FER1L6: variants seen among roughly 807,000 people sequenced by gnomAD.
The protein encoded by FER1L6 is fer-1 like family member 6.
Under a neutral mutation model 219.2 loss-of-function variants are expected in FER1L6, and 177 were observed. The observed-to-expected ratio is 0.81, with a 90% confidence interval of 0.71 to 0.91. The LOEUF (loss-of-function observed/expected upper bound fraction) is 0.91. FER1L6 is among the 40% of genes least tolerant of loss of function. The pLI, the probability that FER1L6 is intolerant of heterozygous loss-of-function variation, is 0.00. For missense variants in FER1L6, 2,153 were observed against 2,259.9 expected (o/e 0.95, Z 0.96); for synonymous variants, 768 against 824.3 (o/e 0.93, Z 1.17).
chr8:123,991,339 A>G (rs2130417316), intron 12 of FER1L6, among the ~76,000 whole-genome samples: 1 of 152,348 alleles, frequency 6.6e-6, no homozygotes, highest in Admixed American at 6.5e-5. Flanking sequence ...CTAATCCATG[A>G]GCATGAGATG....
chr8:124,036,378 T>C (rs1819212296), intron 19 of FER1L6: 1 of 152,214 alleles, frequency 6.6e-6, no homozygotes, highest in African/African-American at 2.4e-5. Context: ...AGCATTGTCT[T>C]TGGAAAATGC....
intron 1 of FER1L6, among the ~76,000 whole-genome samples, chr8:123,934,180 G>A (rs548986112): frequency 1.8e-4 from 27 of 152,232 alleles, no homozygotes; most frequent in East Asian, 1.5e-3. Flanking sequence ...GTGGCGCCAC[G>A]TCGATCTCAG....
At chr8:123,934,740 C>A (rs1337311876) in intron 1 of FER1L6, among the ~76,000 whole-genome samples, 2 of 151,948 alleles carry the variant, frequency 1.3e-5, no homozygotes, top group South Asian at 4.2e-4. Context: ...AATCTCATCT[C>A]GAATTATAAT....
intron 9 of FER1L6, among the ~76,000 whole-genome samples, chr8:123,976,679 C>A (rs959292156): frequency 5.9e-5 from 9 of 152,152 alleles, no homozygotes; most frequent in African/African-American, 1.9e-4. Context: ...GCTGTTTATT[C>A]AGTCCCCACA....
intron 10 of FER1L6, among the ~76,000 whole-genome samples, chr8:123,978,128 C>T (rs1816175231): frequency 1.3e-5 from 2 of 152,306 alleles, no homozygotes; most frequent in South Asian, 4.1e-4. Context: ...AGGTTTGCTC[C>T]TGGTCCCGGG....
chr8:123,993,181 G>A (rs1816943916), intron 12 of FER1L6, among the ~76,000 whole-genome samples: 1 of 152,220 alleles, frequency 6.6e-6, no homozygotes, highest in African/African-American at 2.4e-5. Context: ...GGTGGCTCAC[G>A]CCTGTAATCC....
At chr8:123,938,610 GA>G (rs1814098861) in intron 1 of FER1L6, among the ~76,000 whole-genome samples, 1 of 144,560 alleles carries the variant, frequency 6.9e-6, no homozygotes, top group Admixed American at 7.2e-5. Flanking sequence ...GCAGTGGTGC[GA>G]TCTTGGCTCA....
intron 10 of FER1L6, 75 bp from the exon 11 acceptor site, chr8:123,980,390 C>A: frequency 1.7e-6 from 2 of 1,198,258 alleles, no homozygotes; most frequent in South Asian, 1.5e-5. Context: ...GGATATTCTA[C>A]ATTTTGAAAT....
intron 1 of FER1L6, among the ~76,000 whole-genome samples, chr8:123,904,886 A>C (rs185179083): frequency 6.6e-6 from 1 of 152,336 alleles, no homozygotes; most frequent in Non-Finnish European, 1.5e-5. Flanking sequence ...CAGGATATTT[A>C]TGAACAAGTG....
intron 11 of FER1L6, chr8:123,984,381 C>T (rs545055288): frequency 2.6e-5 from 4 of 152,188 alleles, no homozygotes; most frequent in African/African-American, 4.8e-5. Flanking sequence ...GGCCTACATT[C>T]CCTCCAGGTC....
At chr8:123,968,101 C>A (rs551652857) in intron 5 of FER1L6, among the ~76,000 whole-genome samples, 1 of 152,236 alleles carries the variant, frequency 6.6e-6, no homozygotes, top group African/African-American at 2.4e-5. Flanking sequence ...TCTGCCTCTG[C>A]GCCTCTGACT....
chr8:123,858,766 C>T (rs1165437827), intron 1 of FER1L6, among the ~76,000 whole-genome samples: 1 of 152,102 alleles, frequency 6.6e-6, no homozygotes, highest in Non-Finnish European at 1.5e-5. Flanking sequence ...GTCTCTGGCA[C>T]CAAAGCTTTC....
Position 123,986,619 on chromosome 8 carries a change from C to CT in FER1L6, c.1519+444dup, listed in dbSNP as rs1816597734. Among the ~76,000 whole-genome samples, 9 of 152,146 alleles carry CT rather than the reference C, an allele frequency of 5.9e-5. No individual in the cohort carries two copies. In the South Asian group the frequency reaches 1.9e-3, roughly 32 times the overall value. ...ATACTAGATCTTATTCTATTGAACTCTATTTTTGTACCCATTAACCATCTG... is the reference window on the plus strand; with the variant it reads ...ATACTAGATCTTATTCTATTGAACTCTTATTTTTGTACCCATTAACCATCTG... On this transcript the variant is annotated intron_variant, in intron 12 of 40. Coordinates refer to ENST00000522917, the MANE Select transcript of FER1L6 (RefSeq NM_001039112.2).
chr8:124,013,301 T>A, intron 14 of FER1L6, 130 bp from the exon 15 acceptor site: 1 of 518,274 alleles, frequency 1.9e-6, no homozygotes, highest in Non-Finnish European at 3.4e-6. Flanking sequence ...ACAAGAAAAC[T>A]AGATAAATCC....
intron 1 of FER1L6, among the ~76,000 whole-genome samples, chr8:123,951,025 T>C (rs1185265358): frequency 1.3e-5 from 2 of 152,260 alleles, no homozygotes; most frequent in Non-Finnish European, 2.9e-5. Flanking sequence ...GTGCAGCCTA[T>C]GCAAATGTAT....
chr8:124,001,323 A>G (rs1486495773), intron 12 of FER1L6, among the ~76,000 whole-genome samples: 1 of 152,148 alleles, frequency 6.6e-6, no homozygotes, highest in Non-Finnish European at 1.5e-5. Flanking sequence ...ATCTCTGTCC[A>G]TCTCAGACTA....
chr8:123,937,119 T>G (rs59882065), intron 1 of FER1L6, among the ~76,000 whole-genome samples: 13,265 of 152,134 alleles, frequency 0.087, 811 homozygotes, highest in African/African-American at 0.17. Flanking sequence ...TTGGCCAGGC[T>G]GGTCTCGAAC....
rs144922629 is a variant in FER1L6, at chr8:124,010,662, A to G, written c.1769A>G (p.Gln590Arg). 5.1e-5 allele frequency: 83 copies of G among 1,614,090 alleles called. No homozygotes were observed. In the East Asian group the frequency reaches 1.8e-3, roughly 34 times the overall value. The change falls in exon 14 of 41, where the codon CAG (glutamine) becomes CGG (arginine). Residue 590 changes from glutamine (Q) to arginine (R), a missense_variant. Gln to Arg is a conservative substitution (Grantham distance 43). Transcript: ENST00000522917. ...CVYFISSWGD[Q>R]TFRLHWSNML... ...TATTTCATCAGCTCTTGGGGAGACC[A>G]GACCTTCAGGCTGCACTGGTCCAAC...
chr8:124,107,149 C>T (rs1822813517), intron 39 of FER1L6, among the ~76,000 whole-genome samples: 1 of 151,882 alleles, frequency 6.6e-6, no homozygotes, highest in African/African-American at 2.4e-5. Context: ...GGGGTTTCAC[C>T]ATGTTAGCCA....
Sources: gnomAD v4.1 joint callset for allele counts (sites outside exome capture counted in the v4.1 genomes callset) on GRCh38, gnomAD v4.1.1 for gene constraint, MANE v1.5 for transcripts, NCBI Gene and HGNC (gene_info 2026-07-23, HGNC 2026-07-21) for gene names.